The following INSC variants were observed in gnomAD, a reference collection of about 807,000 sequenced individuals.
The protein encoded by INSC is protein inscuteable homolog.
In INSC, 67 loss-of-function variants were observed where a neutral mutation model predicts 58.6. The observed-to-expected ratio is 1.14, with a 90% confidence interval of 0.94 to 1.40. The LOEUF (loss-of-function observed/expected upper bound fraction) is 1.40, where lower values mean the gene tolerates loss of function less well. INSC is among the 40% of genes most tolerant of loss of function. The pLI is 0.00. For missense variants in INSC, 714 were observed against 692.0 expected (o/e 1.03, Z -0.36); for synonymous variants, 262 against 276.1 (o/e 0.95, Z 0.51).
At chr11:15,119,264 G>C (rs1206014345) in intron 1 of INSC, among the ~76,000 whole-genome samples, 1 of 152,202 alleles carries the variant, frequency 6.6e-6, no homozygotes, top group Non-Finnish European at 1.5e-5. Flanking sequence ...AAGGCCTCCT[G>C]GGTTGTGTGG....
intron 6 of INSC, among the ~76,000 whole-genome samples, chr11:15,199,990 A>G (rs1850516020): frequency 6.6e-6 from 1 of 152,090 alleles, no homozygotes; most frequent in Non-Finnish European, 1.5e-5. Flanking sequence ...AGTAAGTCTG[A>G]CTAGTTAGCA....
At chr11:15,229,405 A>G (rs1851761354) in intron 9 of INSC, among the ~76,000 whole-genome samples, 1 of 152,188 alleles carries the variant, frequency 6.6e-6, no homozygotes, top group African/African-American at 2.4e-5. Context: ...AAGCTCTGTC[A>G]TATACATATA....
chr11:15,234,357 T>A (rs866085226), intron 9 of INSC, among the ~76,000 whole-genome samples: 1 of 152,244 alleles, frequency 6.6e-6, no homozygotes, highest in African/African-American at 2.4e-5. Flanking sequence ...TATGGTAAAG[T>A]TTTTCCTTTC....
At chr11:15,228,835 C>T (rs926157574) in intron 9 of INSC, among the ~76,000 whole-genome samples, 6 of 152,142 alleles carry the variant, frequency 3.9e-5, no homozygotes, top group African/African-American at 1.2e-4. Context: ...CCTATCCTGT[C>T]GCCACCCTTG....
At position 15,246,971 on chromosome 11, in the gene INSC, A is replaced by G. The variant is rs928544128; in HGVS notation, c.*931A>G. On this transcript the variant is annotated 3_prime_UTR_variant, in exon 13 of 13. Coordinates refer to ENST00000379556, the MANE Select transcript of INSC (RefSeq NM_001042536.3). ...ATGAGCCCTCATGTTGAAATTGGCC[A>G]TAGTGGGAGTATTTACACCACAGAA... 3 of 151,656 alleles carry G rather than the reference A, an allele frequency of 2.0e-5. No individual in the cohort carries two copies. Among genetic ancestry groups the G allele is most frequent in the African/African-American group, 4.8e-5 (2 of 41,238 alleles). The allele number at this position is 151,656 out of a possible 1,614,324, so 9.4% of individuals were successfully genotyped here.
chr11:15,135,385 C>T (rs1465410490), intron 1 of INSC, among the ~76,000 whole-genome samples: 1 of 152,106 alleles, frequency 6.6e-6, no homozygotes, highest in African/African-American at 2.4e-5. Flanking sequence ...TACCTTATAC[C>T]CCCTGTTTCC....
intron 2 of INSC, among the ~76,000 whole-genome samples, chr11:15,158,854 T>G (rs574543928): frequency 1.2e-3 from 153 of 126,392 alleles, no homozygotes; most frequent in Admixed American, 2.4e-3. Flanking sequence ...AGATGAATTG[T>G]TGGTGGTTTT....
chr11:15,201,600 G>C (rs1850594910), intron 7 of INSC, among the ~76,000 whole-genome samples: 1 of 152,188 alleles, frequency 6.6e-6, no homozygotes, highest in South Asian at 2.1e-4. Context: ...TGCGACTGAG[G>C]CTGCGCCTCT....
chr11:15,266,443 T>G, the INSC span, among the ~76,000 whole-genome samples: 6 of 152,162 alleles, frequency 3.9e-5, no homozygotes, highest in South Asian at 2.1e-4. Context: ...AAGAATGAAT[T>G]ACTAAATTTT....
At chr11:15,188,096 T>C in intron 5 of INSC, 1 of 763,924 alleles carries the variant, frequency 1.3e-6, no homozygotes, top group Non-Finnish European at 1.6e-6. Flanking sequence ...CCCACAGTCA[T>C]GCTGTGCTCA....
intron 8 of INSC, among the ~76,000 whole-genome samples, chr11:15,224,016 A>C (rs1292096915): frequency 6.6e-6 from 1 of 152,232 alleles, no homozygotes; most frequent in Non-Finnish European, 1.5e-5. Flanking sequence ...AAGAATGGGA[A>C]CTTTGGAGTC....
chr11:15,138,213 T>C (rs56713235), intron 1 of INSC, among the ~76,000 whole-genome samples: 7,359 of 152,242 alleles, frequency 0.048, 360 homozygotes, highest in African/African-American at 0.13. Flanking sequence ...CAAAGATCAC[T>C]GATCACAGAT....
chr11:15,251,297 A>ACAACT (rs1219344687), downstream of INSC, among the ~76,000 whole-genome samples: 3 of 152,248 alleles, frequency 2.0e-5, no homozygotes, highest in African/African-American at 7.2e-5. Context: ...CTAACACTAT[A>ACAACT]CAACTCTTCG....
chr11:15,171,605 C>T (rs1590394588), intron 2 of INSC, among the ~76,000 whole-genome samples: 1 of 152,208 alleles, frequency 6.6e-6, no homozygotes, highest in Admixed American at 6.5e-5. Context: ...CCCTGATCTC[C>T]AACGGAAAGG....
chr11:15,181,982 C>T (rs1286042836), intron 5 of INSC, among the ~76,000 whole-genome samples: 2 of 152,128 alleles, frequency 1.3e-5, no homozygotes, highest in Admixed American at 1.3e-4. Flanking sequence ...TCATCTCAGC[C>T]AGGAGGGCCT....
chr11:15,229,186 T>G (rs1020767284), intron 9 of INSC, among the ~76,000 whole-genome samples: 4 of 152,258 alleles, frequency 2.6e-5, no homozygotes, highest in African/African-American at 9.6e-5. Flanking sequence ...GAGTCTGACT[T>G]TTTGTGGCCT....
the INSC span, among the ~76,000 whole-genome samples, chr11:15,256,817 C>G: frequency 0.75 from 113,545 of 151,872 alleles, 42,569 homozygotes; most frequent in Middle Eastern, 0.81. Flanking sequence ...TGTGACTAGC[C>G]ATCAAAAGAC....
chr11:15,118,190 ACAT>A (rs1847780483), intron 1 of INSC, among the ~76,000 whole-genome samples: 2 of 152,186 alleles, frequency 1.3e-5, no homozygotes, highest in African/African-American at 2.4e-5. Flanking sequence ...GTGGAGGAGC[ACAT>A]GAAGGGCTTT....
intron 4 of INSC, among the ~76,000 whole-genome samples, 165 bp downstream of exon 4, chr11:15,177,328 A>G (rs1849607717): frequency 6.6e-6 from 1 of 152,030 alleles, no homozygotes; most frequent in South Asian, 2.1e-4. Context: ...TTCTCTTGAA[A>G]TTTTCTGCCC....
Sources: allele counts gnomAD v4.1 joint callset (sites outside exome capture counted in the v4.1 genomes callset), GRCh38; gene constraint gnomAD v4.1.1; transcripts MANE v1.5; gene names NCBI Gene and HGNC (gene_info 2026-07-23, HGNC 2026-07-21).